KMT2A: variants seen among roughly 807,000 people sequenced by gnomAD.
The protein encoded by KMT2A is histone-lysine N-methyltransferase 2A.
A neutral mutation model predicts 345.3 loss-of-function variants in KMT2A; 16 were observed. That is an observed-to-expected ratio of 0.05 (90% CI 0.03 to 0.07). The LOEUF (loss-of-function observed/expected upper bound fraction) is 0.07. Ranked by LOEUF, KMT2A falls within the 10% of genes least tolerant of loss-of-function variation. The probability of loss-of-function intolerance (pLI) is 1.00; values close to 1 mark genes in which losing one functional copy is unlikely to be tolerated. For missense variants in KMT2A, 3,272 were observed against 4,841.6 expected (o/e 0.68, Z 9.62); for synonymous variants, 1,599 against 1,778.6 (o/e 0.90, Z 2.54).
In KMT2A at chr11:118,495,164, A is replaced by ATT. The variant is rs1204776106; in HGVS notation, c.5363+409_5363+410dup. On this transcript the variant is annotated intron_variant, in intron 18 of 35. Coordinates refer to ENST00000534358, the MANE Select transcript of KMT2A (RefSeq NM_001197104.2). The surrounding 1 kb of genome is among the most constrained non-coding windows in gnomAD (Gnocchi z 4.1). ...TTGATTTGATTTTATTTATTTATTT[A>ATT]TTTTTTTTTTTTTGAGACGGAGTCT... 2.1e-5 allele frequency among the ~76,000 whole-genome samples: 3 copies of ATT among 141,040 alleles called. No homozygotes were observed. The highest frequency in any genetic ancestry group is 7.9e-5 in the African/African-American group (3 of 37,898). 92.5% of individuals were successfully genotyped at this position (141,040 alleles called of 152,430 possible).
At chr11:118,483,846 GCA>G (rs1950184790) in intron 8 of KMT2A, among the ~76,000 whole-genome samples, 1 of 152,100 alleles carries the variant, frequency 6.6e-6, no homozygotes, top group Admixed American at 6.5e-5. Flanking sequence ...AGCCTGGGCA[GCA>G]CAGTGACACA....
Position 118,478,216 on chromosome 11 carries a change from C to A in KMT2A, c.3569+15C>A, listed in dbSNP as rs1555038132. Reference sequence around the variant, plus strand: ...CAGTGCTGCAAGTAAGTGGGTGTTTCACTCTGAGATGTTGACCTCTCAACC... The same window carrying A: ...CAGTGCTGCAAGTAAGTGGGTGTTTAACTCTGAGATGTTGACCTCTCAACC... On this transcript the variant is annotated intron_variant, in intron 5 of 35. Transcript: ENST00000534358. 1 of 1,590,256 alleles carries A rather than the reference C, an allele frequency of 6.3e-7. No individual in the cohort carries two copies. Among genetic ancestry groups the A allele is most frequent in the Non-Finnish European group, 8.6e-7 (1 of 1,159,754 alleles).
chr11:118,503,555 T>A lies in KMT2A; in HGVS notation c.7663T>A (p.Ser2555Thr). 1 of 1,613,846 alleles carries A rather than the reference T, an allele frequency of 6.2e-7. No individual in the cohort carries two copies. Among genetic ancestry groups the A allele is most frequent in the South Asian group, 1.1e-5 (1 of 91,070 alleles). Residue 2555 changes from serine to threonine, a missense_variant, in exon 27 of 36, where the codon TCA (serine) becomes ACA (threonine). Transcript: ENST00000534358. The surrounding 1 kb of genome is among the most constrained non-coding windows in gnomAD (Gnocchi z 5.3). ...SSPASPLQIESTSPTEPISAS... is the reference protein window; with the variant it reads ...SSPASPLQIETTSPTEPISAS... ...TCCTGCTTCCCCTTTGCAAATAGAG[T>A]CAACATCTCCCACAGAACCAATTTC...
intron 1 of KMT2A, among the ~76,000 whole-genome samples, chr11:118,459,694 C>T (rs1367437506): frequency 1.3e-5 from 2 of 151,254 alleles, no homozygotes; most frequent in African/African-American, 4.9e-5. Flanking sequence ...GAAATGGAGT[C>T]TTGCTCCGTT....
At chr11:118,474,409 A>T (rs571101678) in intron 3 of KMT2A, 94 bp downstream of exon 3, 1 of 1,438,438 alleles carries the variant, frequency 7.0e-7, no homozygotes, top group Non-Finnish European at 9.2e-7. Flanking sequence ...ACATCCAGTT[A>T]TGAGAACCAA....
intron 2 of KMT2A, among the ~76,000 whole-genome samples, chr11:118,471,153 T>C (rs1425390257): frequency 2.6e-5 from 4 of 152,212 alleles, no homozygotes; most frequent in African/African-American, 9.6e-5. Flanking sequence ...GATTGAAATA[T>C]GGGACTCTGA....
chr11:118,457,434 T>A (rs1229143271), intron 1 of KMT2A, among the ~76,000 whole-genome samples: 1 of 147,568 alleles, frequency 6.8e-6, no homozygotes, highest in Non-Finnish European at 1.5e-5. Flanking sequence ...GCCTGGCTAA[T>A]TTTTTTTTTG....
At chr11:118,447,620 T>C (rs1555027527) in intron 1 of KMT2A, 1 of 451,832 alleles carries the variant, frequency 2.2e-6, no homozygotes, top group Non-Finnish European at 4.4e-6. Flanking sequence ...TGTTTCCATT[T>C]CTAGGTTCCT....
Position 118,491,879 on chromosome 11 carries a change from C to T in KMT2A, c.4955C>T (p.Thr1652Ile). The T allele has an allele frequency of 5.6e-6, 9 of 1,614,022 alleles. No homozygotes were observed. The highest frequency in any genetic ancestry group is 7.6e-6 in the Non-Finnish European group (9 of 1,180,030). ...ELQISLKQVL[T>I]ALLNSRTTSH... ...CAGATTTCTCTGAAGCAAGTTCTGA[C>T]AGCTTTGTTGAATTCTCGGACTACC... The change falls in exon 15 of 36, where the codon ACA becomes ATA. Residue 1652 changes from threonine to isoleucine, a missense_variant. This residue lies in a region of KMT2A where 66 missense variants were observed against 80.1 expected (regional missense o/e 0.82). Transcript: ENST00000534358. This position sits in a 1 kb window ranked among gnomAD's most constrained non-coding sequence, Gnocchi z 4.2.
chr11:118,507,632 T>C lies in KMT2A; in HGVS notation c.10835+23T>C, dbSNP rs782818085. On this transcript the variant is annotated intron_variant, in intron 28 of 35. Transcript: ENST00000534358. Reference sequence around the variant, plus strand: ...AGGGTAAGCTGAAGAATTCGTCTTTTAAGACTAAGCTCTCAGTTTTGTCCA... The same window carrying C: ...AGGGTAAGCTGAAGAATTCGTCTTTCAAGACTAAGCTCTCAGTTTTGTCCA... 5.7e-6 allele frequency: 9 copies of C among 1,587,832 alleles called. No individual in the cohort carries two copies. In the African/African-American group the frequency reaches 6.7e-5, roughly 12 times the overall value.
intron 1 of KMT2A, chr11:118,448,918 T>C (rs1233011523): frequency 6.6e-6 from 1 of 152,174 alleles, no homozygotes; most frequent in Non-Finnish European, 1.5e-5. Context: ...ATTCATACTT[T>C]CCCTATAACT....
chr11:118,458,218 G>A (rs2134220153), intron 1 of KMT2A: 1 of 336,510 alleles, frequency 3.0e-6, no homozygotes, highest in Non-Finnish European at 5.9e-6. Context: ...CAAGTAGCTG[G>A]GACTACAGGC....
At chr11:118,515,682 CTT>C (rs11374365) in intron 31 of KMT2A, among the ~76,000 whole-genome samples, 1 of 97,472 alleles carries the variant, frequency 1.0e-5, no homozygotes. Flanking sequence ...TTTTTCTGTC[CTT>C]TTTTTTTTTT....
intron 24 of KMT2A, 164 bp from the exon 25 acceptor site, chr11:118,500,823 G>A (rs1950489010): frequency 2.3e-6 from 1 of 438,134 alleles, no homozygotes; most frequent in Non-Finnish European, 4.0e-6. Context: ...CAAAAAGCTT[G>A]GAACAACCTA....
chr11:118,473,966 C>A lies in KMT2A; in HGVS notation c.2807C>A (p.Ser936Tyr). The change falls in exon 3 of 36, where the codon TCT (serine) becomes TAT (tyrosine). Residue 936 changes from serine to tyrosine, a missense_variant. Physicochemically the swap from Ser to Tyr is moderately radical, Grantham distance 144. This residue lies in a region of KMT2A where 209 missense variants were observed against 237.4 expected (regional missense o/e 0.88). Coordinates refer to ENST00000534358, the MANE Select transcript of KMT2A (RefSeq NM_001197104.2). The surrounding 1 kb of genome is among the most constrained non-coding windows in gnomAD (Gnocchi z 5.2). Reference sequence around the variant, plus strand: ...AAAAAAGCAACAGGGCGGAAGAAGTCTTCATCACATGATTCTGGGACTGAT... The same window carrying A: ...AAAAAAGCAACAGGGCGGAAGAAGTATTCATCACATGATTCTGGGACTGAT... Reference protein sequence around the residue: ...SAKKATGRKKSSSHDSGTDIT... With the variant: ...SAKKATGRKKYSSHDSGTDIT... 1 of 1,613,896 alleles carries A rather than the reference C, an allele frequency of 6.2e-7. No individual in the cohort carries two copies. The highest frequency in any genetic ancestry group is 1.1e-5 in the South Asian group (1 of 91,066).
chr11:118,467,514 C>G (rs1477806515), intron 1 of KMT2A, among the ~76,000 whole-genome samples: 1 of 152,168 alleles, frequency 6.6e-6, no homozygotes, highest in Non-Finnish European at 1.5e-5. Flanking sequence ...AGACTTTTCT[C>G]TCAGTTGCCT....
At position 118,497,273 on chromosome 11, in the gene KMT2A, G is replaced by C. The variant is rs1950425088; in HGVS notation, c.5665-663G>C. Among the ~76,000 whole-genome samples the C allele has an allele frequency of 1.3e-5, 2 of 152,156 alleles. No individual in the cohort carries two copies. The highest frequency in any genetic ancestry group is 1.3e-4 in the Admixed American group (2 of 15,270). On this transcript the variant is annotated intron_variant, in intron 20 of 35. Transcript: ENST00000534358. The surrounding 1 kb of genome is among the most constrained non-coding windows in gnomAD (Gnocchi z 4.8). ...CCCACCTCATATCCCAAAGTGGTGG[G>C]ATTACAGGCGTGAGCCACCGTGCCC...
At chr11:118,456,631 C>G (rs1308513474) in intron 1 of KMT2A, among the ~76,000 whole-genome samples, 2 of 152,192 alleles carry the variant, frequency 1.3e-5, no homozygotes, top group African/African-American at 4.8e-5. Flanking sequence ...AGCCGCCGCG[C>G]CTGGCATGCC....
chr11:118,496,528 T>A lies in KMT2A; in HGVS notation c.5664+161T>A, dbSNP rs1215676984. The stretch of plus-strand genomic sequence containing the variant: ...TACCTATAACTTATAACTTATTAAT[T>A]TGTAACTTATTTTTTGTCACTTAGT... On this transcript the variant is annotated intron_variant, in intron 20 of 35. Transcript: ENST00000534358. This position sits in a 1 kb window ranked among gnomAD's most constrained non-coding sequence, Gnocchi z 4.7. Among the ~76,000 whole-genome samples, 1 of 152,246 alleles carries A rather than the reference T, an allele frequency of 6.6e-6. No homozygotes were observed. The highest frequency in any genetic ancestry group is 1.5e-5 in the Non-Finnish European group (1 of 68,044).
Sources: allele counts gnomAD v4.1 joint callset (sites outside exome capture counted in the v4.1 genomes callset), GRCh38; gene constraint gnomAD v4.1.1; regional missense constraint gnomAD v4.1.1; non-coding constraint Gnocchi (gnomAD v3.1); transcripts MANE v1.5; gene names NCBI Gene and HGNC (gene_info 2026-07-23, HGNC 2026-07-21).